Variants in LUZP2 observed in about 807,000 individuals in gnomAD.
LUZP2 encodes the protein leucine zipper protein 2.
Under a neutral mutation model 51.6 loss-of-function variants are expected in LUZP2, and 52 were observed. The ratio of observed to expected loss-of-function variants is 1.01; its 90% confidence interval spans 0.81 to 1.27. The LOEUF is 1.27. LUZP2 is among the 50% of genes most tolerant of loss of function. The pLI, the probability that LUZP2 is intolerant of heterozygous loss-of-function variation, is 0.00. For synonymous variants in LUZP2, 154 were observed against 137.3 expected, an observed-to-expected ratio of 1.12 and a Z score of -0.85; for missense variants, 436 against 395.4, an observed-to-expected ratio of 1.10 and a Z score of -0.87.
At chr11:24,959,816 C>T (rs1434178678) in intron 7 of LUZP2, among the ~76,000 whole-genome samples, 3 of 152,128 alleles carry the variant, frequency 2.0e-5, no homozygotes, top group Non-Finnish European at 4.4e-5. Flanking sequence ...GAGAGGGCAT[C>T]CCTGTCTTGT....
At chr11:24,966,812 A>T (rs1855596877) in intron 7 of LUZP2, among the ~76,000 whole-genome samples, 1 of 147,602 alleles carries the variant, frequency 6.8e-6, no homozygotes, top group African/African-American at 2.5e-5. Flanking sequence ...TATCCATTAT[A>T]TAATGTAAAA....
chr11:24,665,516 C>T (rs1856183958), intron 1 of LUZP2, among the ~76,000 whole-genome samples: 2 of 152,136 alleles, frequency 1.3e-5, no homozygotes, highest in South Asian at 4.1e-4. Context: ...TATACTTTGG[C>T]TATGTCCGCA....
intron 7 of LUZP2, among the ~76,000 whole-genome samples, chr11:24,951,773 C>T (rs1417661248): frequency 6.6e-6 from 1 of 151,422 alleles, no homozygotes; most frequent in Non-Finnish European, 1.5e-5. Context: ...TCTTGCCATT[C>T]TAAATGTAAT....
intron 7 of LUZP2, among the ~76,000 whole-genome samples, chr11:24,930,423 A>T (rs1243450872): frequency 6.6e-6 from 1 of 152,176 alleles, no homozygotes; most frequent in Non-Finnish European, 1.5e-5. Context: ...GCGCTGGCTT[A>T]GCATTGGCAA....
chr11:24,725,706 G>A (rs1170399768), intron 1 of LUZP2, among the ~76,000 whole-genome samples: 1 of 152,102 alleles, frequency 6.6e-6, no homozygotes, highest in Non-Finnish European at 1.5e-5. Context: ...TTAGGTAAAT[G>A]TAATAGGTTG....
chr11:24,938,617 G>A (rs1854657644), intron 7 of LUZP2, among the ~76,000 whole-genome samples: 1 of 151,666 alleles, frequency 6.6e-6, no homozygotes, highest in African/African-American at 2.4e-5. Context: ...TTAACTCAAT[G>A]TTGCACCACT....
At chr11:24,763,207 G>T in intron 4 of LUZP2, 39 bp from the exon 5 acceptor site, 1 of 921,918 alleles carries the variant, frequency 1.1e-6, no homozygotes, top group South Asian at 2.2e-5. Flanking sequence ...ATGGTAATGA[G>T]TTTGGAATGT....
At chr11:24,774,383 C>T (rs1564990) in intron 5 of LUZP2, among the ~76,000 whole-genome samples, 14,466 of 82,358 alleles carry the variant, frequency 0.18, 1,478 homozygotes, top group African/African-American at 0.2. Flanking sequence ...TATATATATA[C>T]ATACACACAC....
intron 4 of LUZP2, chr11:24,751,510 A>T (rs1292529217): frequency 1.2e-6 from 1 of 847,912 alleles, no homozygotes; most frequent in East Asian, 1.3e-4. Context: ...TCAGTGCAGT[A>T]CAAAAGCCCT....
intron 5 of LUZP2, among the ~76,000 whole-genome samples, chr11:24,884,676 A>G (rs1437267903): frequency 2.0e-5 from 3 of 152,066 alleles, no homozygotes; most frequent in Non-Finnish European, 4.4e-5. Flanking sequence ...TAGAACTACT[A>G]GAACTAGTAC....
intron 1 of LUZP2, among the ~76,000 whole-genome samples, chr11:24,519,207 A>G (rs1850565314): frequency 6.6e-6 from 1 of 152,014 alleles, no homozygotes; most frequent in Non-Finnish European, 1.5e-5. Context: ...TTATATTTTG[A>G]CTACAAATCT....
At position 25,031,007 on chromosome 11, in the gene LUZP2, ATATATATATTTTTT is replaced by A. The variant is rs1565255321; in HGVS notation, c.766-19029_766-19016del. Among the ~76,000 whole-genome samples the A allele has an allele frequency of 6.8e-3, 22 of 3,230 alleles. 1 individual carries two copies. Among genetic ancestry groups the A allele is most frequent in the Non-Finnish European group, 3.5e-3 (7 of 2,024 alleles). 2.1% of individuals were successfully genotyped at this position (3,230 alleles called of 152,430 possible). ...AATACAATATATATTATATATATAT[ATATATATATTTTTT>A]TTTTTTTTTGAGACAGAGTCTCACT... On this transcript the variant is annotated intron_variant, in intron 9 of 11. Coordinates refer to ENST00000336930, the MANE Select transcript of LUZP2 (RefSeq NM_001009909.4).
At chr11:25,050,199 C>G in intron 10 of LUZP2, 69 bp downstream of exon 10, 1 of 707,558 alleles carries the variant, frequency 1.4e-6, no homozygotes, top group South Asian at 2.4e-5. Flanking sequence ...TTTAGCAATT[C>G]TAATTCATGC....
At chr11:25,030,486 A>G (rs1392893688) in intron 9 of LUZP2, among the ~76,000 whole-genome samples, 3 of 152,092 alleles carry the variant, frequency 2.0e-5, no homozygotes, top group Non-Finnish European at 4.4e-5. Flanking sequence ...TCAACATTAA[A>G]GAATATTGAC....
At chr11:24,520,791 A>T (rs567344007) in intron 1 of LUZP2, among the ~76,000 whole-genome samples, 55 of 152,328 alleles carry the variant, frequency 3.6e-4, no homozygotes, top group African/African-American at 1.3e-3. Context: ...AGTGCAAAGC[A>T]GGTTTACTAA....
At chr11:24,625,712 A>G (rs909756449) in intron 1 of LUZP2, among the ~76,000 whole-genome samples, 1 of 152,132 alleles carries the variant, frequency 6.6e-6, no homozygotes, top group Non-Finnish European at 1.5e-5. Context: ...TCTAAAAAAA[A>G]AAAAAATCAA....
At chr11:25,018,055 T>TTGTTTTG (rs1554955753) in intron 9 of LUZP2, among the ~76,000 whole-genome samples, 16,621 of 139,970 alleles carry the variant, frequency 0.12, 2,245 homozygotes, top group African/African-American at 0.36. Context: ...TTTGTTTTTT[T>TTGTTTTG]TTTTGCAGCT....
chr11:25,007,539 G>T (rs977269684), intron 9 of LUZP2, among the ~76,000 whole-genome samples: 1 of 152,082 alleles, frequency 6.6e-6, no homozygotes, highest in Non-Finnish European at 1.5e-5. Context: ...GGAGGTAAAG[G>T]TTGCAGTGGG....
At chr11:24,814,502 G>A (rs962697138) in intron 5 of LUZP2, among the ~76,000 whole-genome samples, 1 of 152,148 alleles carries the variant, frequency 6.6e-6, no homozygotes. Flanking sequence ...TCCTTGTGCT[G>A]TGAAATGAAT....
Sources: allele counts gnomAD v4.1 joint callset (sites outside exome capture counted in the v4.1 genomes callset), GRCh38; gene constraint gnomAD v4.1.1; transcripts MANE v1.5; gene names NCBI Gene and HGNC (gene_info 2026-07-23, HGNC 2026-07-21).